Variants in SNX3 observed in about 807,000 individuals in gnomAD.
The protein encoded by SNX3 is sorting nexin-3.
A neutral mutation model predicts 17.7 loss-of-function variants in SNX3; 5 were observed. The ratio of observed to expected loss-of-function variants is 0.28; its 90% CI spans 0.15 to 0.59. The LOEUF is 0.59. Ranked by LOEUF, SNX3 falls within the 20% of genes least tolerant of loss-of-function variation. The pLI is 0.88. For synonymous variants in SNX3, 91 were observed against 76.5 expected (o/e 1.19, Z -0.99); for missense variants, 132 against 206.8 (o/e 0.64, Z 2.22).
At chr6:108,220,579 G>C (rs948467582) in intron 2 of SNX3, among the ~76,000 whole-genome samples, 1 of 152,086 alleles carries the variant, frequency 6.6e-6, no homozygotes, top group African/African-American at 2.4e-5. Flanking sequence ...CTCATATGAT[G>C]TTTGCACAAA....
At chr6:108,236,088 T>C (rs1187515125) in intron 1 of SNX3, among the ~76,000 whole-genome samples, 1 of 152,146 alleles carries the variant, frequency 6.6e-6, no homozygotes, top group Non-Finnish European at 1.5e-5. Context: ...AGCTAAAGTT[T>C]TTCTATGCTA....
chr6:108,260,607 G>T (rs1303854424), intron 1 of SNX3, among the ~76,000 whole-genome samples, 153 bp downstream of exon 1: 1 of 152,188 alleles, frequency 6.6e-6, no homozygotes, highest in East Asian at 1.9e-4. Context: ...CCTACAGGAA[G>T]AGGGGCCCTG....
chr6:108,231,109 G>GA (rs1775135582), intron 1 of SNX3, among the ~76,000 whole-genome samples: 1 of 143,110 alleles, frequency 7.0e-6, no homozygotes, highest in Non-Finnish European at 1.5e-5. Flanking sequence ...CTCTGGTGGT[G>GA]TTTTTTTTTT....
intron 1 of SNX3, among the ~76,000 whole-genome samples, chr6:108,231,954 G>A (rs914988181): frequency 2.0e-5 from 3 of 152,162 alleles, no homozygotes; most frequent in African/African-American, 7.2e-5. Context: ...AGGGTTTATA[G>A]TCTACTTGGA....
chr6:108,226,519 T>G (rs1774978618), intron 1 of SNX3, among the ~76,000 whole-genome samples: 2 of 152,226 alleles, frequency 1.3e-5, no homozygotes, highest in Non-Finnish European at 2.9e-5. Context: ...AATTCAGACT[T>G]TGAACTAATT....
chr6:108,214,774 A>G, intron 2 of SNX3, 152 bp from the exon 3 acceptor site: 1 of 762,904 alleles, frequency 1.3e-6, no homozygotes, highest in Non-Finnish European at 2.0e-6. Flanking sequence ...ACACTGAAAA[A>G]AGACCAAATG....
At chr6:108,259,470 G>A (rs1023953233) in intron 1 of SNX3, among the ~76,000 whole-genome samples, 1 of 152,154 alleles carries the variant, frequency 6.6e-6, no homozygotes, top group South Asian at 2.1e-4. Context: ...TGACCTCGGT[G>A]ATCCGCCCAG....
intron 2 of SNX3, among the ~76,000 whole-genome samples, chr6:108,216,970 G>A (rs1471725096): frequency 6.6e-6 from 1 of 152,160 alleles, no homozygotes; most frequent in African/African-American, 2.4e-5. Flanking sequence ...GTTAAAATCT[G>A]CAGGGACCTT....
intron 1 of SNX3, among the ~76,000 whole-genome samples, chr6:108,233,335 G>A (rs1308286593): frequency 6.6e-6 from 1 of 152,178 alleles, no homozygotes; most frequent in Non-Finnish European, 1.5e-5. Flanking sequence ...AAATAAAACT[G>A]TCTATTAATA....
chr6:108,212,132 C>T lies in SNX3; in HGVS notation c.*17G>A, dbSNP rs1202922675. On this transcript the variant is annotated 3_prime_UTR_variant, in exon 4 of 4. Transcript: ENST00000230085. ...TCAATCATTAATAGTCACGTTTTTG[C>T]CCCTTCTTGCCAAATTTCAGGCATG... 3 of 1,425,144 alleles carry T rather than the reference C, an allele frequency of 2.1e-6. No individual in the cohort carries two copies. Among genetic ancestry groups the T allele is most frequent in the Non-Finnish European group, 2.9e-6 (3 of 1,024,238 alleles). The allele number at this position is 1,425,144 out of a possible 1,614,324, so 88.3% of individuals were successfully genotyped here.
At chr6:108,216,392 G>A (rs550024284) in intron 2 of SNX3, among the ~76,000 whole-genome samples, 66 of 152,150 alleles carry the variant, frequency 4.3e-4, no homozygotes, top group Non-Finnish European at 8.2e-4. Context: ...AGTGTCAAAC[G>A]TCTCCTGGGG....
intron 1 of SNX3, among the ~76,000 whole-genome samples, chr6:108,250,462 G>A (rs1318401246): frequency 1.3e-5 from 2 of 152,100 alleles, no homozygotes; most frequent in Non-Finnish European, 2.9e-5. Flanking sequence ...GCCAACCCTT[G>A]CTCTATTTAA....
chr6:108,222,357 A>C (rs755950951), intron 2 of SNX3: 1 of 1,301,336 alleles, frequency 7.7e-7, no homozygotes, highest in East Asian at 5.5e-5. Flanking sequence ...CCTTGCTTTA[A>C]TTTATTTTGA....
intron 1 of SNX3, among the ~76,000 whole-genome samples, chr6:108,259,518 C>T (rs1018083530): frequency 8.5e-5 from 13 of 152,340 alleles, no homozygotes; most frequent in African/African-American, 2.6e-4. Flanking sequence ...AGGCATGAGC[C>T]ACCGCGCCCG....
intron 1 of SNX3, among the ~76,000 whole-genome samples, chr6:108,236,398 T>C (rs1229704791): frequency 1.4e-5 from 2 of 146,236 alleles, no homozygotes; most frequent in Non-Finnish European, 3.0e-5. Context: ...TTTTTTTTTT[T>C]TTTGAGACGG....
intron 1 of SNX3, among the ~76,000 whole-genome samples, chr6:108,250,359 T>G (rs979512655): frequency 6.6e-6 from 1 of 152,214 alleles, no homozygotes; most frequent in Non-Finnish European, 1.5e-5. Context: ...TCTGCCCTTA[T>G]AGAGTAAAAG....
chr6:108,260,630 G>C, intron 1 of SNX3, 130 bp downstream of exon 1: 1 of 1,036,100 alleles, frequency 9.7e-7, no homozygotes, highest in South Asian at 1.5e-5. Flanking sequence ...TCACGACCCC[G>C]GCCCGCCTCT....
chr6:108,260,449 T>C (rs1776155639), intron 1 of SNX3, among the ~76,000 whole-genome samples: 1 of 151,970 alleles, frequency 6.6e-6, no homozygotes, highest in African/African-American at 2.4e-5. Flanking sequence ...AGGGATGTGT[T>C]CTCGAAAGAT....
intron 1 of SNX3, among the ~76,000 whole-genome samples, chr6:108,240,499 A>G (rs1775483813): frequency 1.3e-5 from 2 of 152,260 alleles, no homozygotes; most frequent in Admixed American, 1.3e-4. Flanking sequence ...GATTACAGGC[A>G]TGAGCCACCA....
Sources: gnomAD v4.1 joint callset for allele counts (sites outside exome capture counted in the v4.1 genomes callset) on GRCh38, gnomAD v4.1.1 for gene constraint, MANE v1.5 for transcripts, NCBI Gene and HGNC (gene_info 2026-07-23, HGNC 2026-07-21) for gene names.